RAPH1: variants seen among roughly 807,000 people sequenced by gnomAD.
RAPH1 encodes the protein ras-associated and pleckstrin homology domains-containing protein 1.
Under a neutral mutation model 88.1 loss-of-function variants are expected in RAPH1, and 18 were observed. The observed-to-expected ratio is 0.20, with a 90% CI of 0.14 to 0.30. RAPH1 has a LOEUF of 0.30. Among genes scored for constraint, RAPH1 ranks in the 10% least tolerant of loss-of-function variants. The pLI, the probability that RAPH1 is intolerant of heterozygous loss-of-function variation, is 1.00. For synonymous variants in RAPH1, 587 were observed against 559.0 expected (o/e 1.05, Z -0.71); for missense variants, 1,448 against 1,543.2 (o/e 0.94, Z 1.03).
At position 203,444,941 on chromosome 2, in the gene RAPH1, C is replaced by A; in HGVS notation, c.1703G>T (p.Arg568Leu). The change falls in exon 13 of 14, where the codon CGT (arginine) becomes CTT (leucine). Residue 568 changes from arginine (R) to leucine (L), a missense_variant. Around this residue, in one of 2 missense-constraint regions of RAPH1, gnomAD observed 935 missense variants for 890.1 expected, o/e 1.05. Transcript: ENST00000319170. ...VSDTQPAGHV[R>L]SQSIVSSVFS... ...TACGGAGCTCACAATGCTCTGGGAACGGACGTGTCCTGCTGGCTGGGTGTC... is the reference window on the plus strand; with the variant it reads ...TACGGAGCTCACAATGCTCTGGGAAAGGACGTGTCCTGCTGGCTGGGTGTC... 1 of 1,614,152 alleles carries A rather than the reference C, an allele frequency of 6.2e-7. No individual in the cohort carries two copies. The highest frequency in any genetic ancestry group is 1.7e-5 in the Admixed American group (1 of 60,026).
intron 4 of RAPH1, chr2:203,470,193 A>G: frequency 2.4e-6 from 3 of 1,231,394 alleles, no homozygotes; most frequent in Non-Finnish European, 3.5e-6. Flanking sequence ...ATCATATTCT[A>G]CCTACAAGGC....
chr2:203,495,175 TA>T (rs1421177844), intron 2 of RAPH1, 58 bp downstream of exon 2: 1 of 1,601,076 alleles, frequency 6.2e-7, no homozygotes, highest in African/African-American at 1.3e-5. Flanking sequence ...TTCTGCACAT[TA>T]AACTTTTAAC....
intron 10 of RAPH1, among the ~76,000 whole-genome samples, chr2:203,451,016 G>T (rs1386599049): frequency 6.6e-6 from 1 of 151,826 alleles, no homozygotes; most frequent in Non-Finnish European, 1.5e-5. Context: ...GAGTACTATG[G>T]TATAAGTATG....
intron 1 of RAPH1, among the ~76,000 whole-genome samples, chr2:203,523,560 T>C (rs1052808772): frequency 2.6e-5 from 4 of 152,078 alleles, no homozygotes; most frequent in African/African-American, 9.7e-5. Context: ...GCTAAAATTA[T>C]AAACTCCAAG....
At chr2:203,510,260 T>G (rs1689276695) in intron 1 of RAPH1, among the ~76,000 whole-genome samples, 2 of 131,262 alleles carry the variant, frequency 1.5e-5, no homozygotes, top group Non-Finnish European at 3.1e-5. Context: ...TGCTTGAACC[T>G]GGGAGGCAGA....
At chr2:203,500,149 C>T (rs907319355) in intron 1 of RAPH1, among the ~76,000 whole-genome samples, 9 of 151,978 alleles carry the variant, frequency 5.9e-5, no homozygotes, top group Non-Finnish European at 8.8e-5. Context: ...TAGTAGGGAA[C>T]AGAAAAGGAA....
chr2:203,491,440 C>T, intron 2 of RAPH1, 121 bp from the exon 3 acceptor site: 1 of 595,254 alleles, frequency 1.7e-6, no homozygotes, highest in Non-Finnish European at 2.9e-6. Flanking sequence ...CCAAAGTTCT[C>T]CTAAGTAATA....
At chr2:203,467,375 G>A (rs952432258) in intron 4 of RAPH1, among the ~76,000 whole-genome samples, 1 of 151,966 alleles carries the variant, frequency 6.6e-6, no homozygotes, top group African/African-American at 2.4e-5. Context: ...CAGATCACCT[G>A]AGGTCAGGAG....
In RAPH1 at chr2:203,448,003, G is replaced by T; in HGVS notation, c.1589C>A (p.Ser530Tyr). 1 of 1,613,946 alleles carries T rather than the reference G, an allele frequency of 6.2e-7. No individual in the cohort carries two copies. Among genetic ancestry groups the T allele is most frequent in the Non-Finnish European group, 8.5e-7 (1 of 1,179,884 alleles). Residue 530 changes from serine (S) to tyrosine (Y), a missense_variant, in exon 12 of 14, where the codon TCC becomes TAC. Transcript: ENST00000319170. This position sits in a 1 kb window ranked among gnomAD's most constrained non-coding sequence, Gnocchi z 4.1. ...GGATCCCGATTTAATGCTGGAGCTG[G>T]ATAAGGAAGTCCAATCATAGGCTGA... ...TESAYDWTSLSSSSIKSGSSS... is the reference protein window; with the variant it reads ...TESAYDWTSLYSSSIKSGSSS...
chr2:203,441,893 T>C (rs1487991313), intron 13 of RAPH1: 2 of 1,346,164 alleles, frequency 1.5e-6, no homozygotes, highest in Non-Finnish European at 1.9e-6. Flanking sequence ...CCTGGTGGAA[T>C]GAGGATGGCT....
At chr2:203,495,437 T>TATATA in intron 1 of RAPH1, 84 bp from the exon 2 acceptor site, 1 of 1,319,224 alleles carries the variant, frequency 7.6e-7, no homozygotes, top group Non-Finnish European at 1.0e-6. Context: ...CTGATATATA[T>TATATA]TATATGCCTC....
intron 4 of RAPH1, among the ~76,000 whole-genome samples, chr2:203,464,237 G>C (rs115778324): frequency 5.4e-4 from 82 of 152,300 alleles, no homozygotes; most frequent in African/African-American, 1.9e-3. Flanking sequence ...CTGATATGTG[G>C]AATCAATGTT....
chr2:203,443,261 C>A (rs2098505932), intron 13 of RAPH1: 1 of 151,962 alleles, frequency 6.6e-6, no homozygotes, highest in Non-Finnish European at 1.5e-5. Flanking sequence ...GCACCCCCCA[C>A]CAAAAAATTA....
chr2:203,479,743 A>G (rs1687637682), intron 4 of RAPH1, among the ~76,000 whole-genome samples: 1 of 152,234 alleles, frequency 6.6e-6, no homozygotes, highest in Admixed American at 6.5e-5. Flanking sequence ...TGAAGTGACA[A>G]AAACAATACA....
chr2:203,531,504 T>A (rs530279107), intron 1 of RAPH1, among the ~76,000 whole-genome samples: 2 of 152,306 alleles, frequency 1.3e-5, no homozygotes, highest in African/African-American at 4.8e-5. Context: ...AAGGGATTAA[T>A]ATCCAGAGTG....
rs7562294 is a variant in RAPH1 at position 203,506,770 on chromosome 2, C to G, written c.1-11417G>C. 3.0e-5 allele frequency among the ~76,000 whole-genome samples: 3 copies of G among 99,064 alleles called. 1 individual carries two copies. Among genetic ancestry groups the G allele is most frequent in the Non-Finnish European group, 5.6e-5 (3 of 53,294 alleles). The allele number at this position is 99,064 out of a possible 152,430, so 65.0% of individuals were successfully genotyped here. A position where few individuals can be genotyped will look rare whatever the true frequency, so the allele number is the denominator to read the frequency against. ...TATATATATATATCTATATATATATCTATATATATCTAGATATATATATCT... is the reference window on the plus strand; with the variant it reads ...TATATATATATATCTATATATATATGTATATATATCTAGATATATATATCT... On this transcript the variant is annotated intron_variant, in intron 1 of 13. Coordinates refer to ENST00000319170, the MANE Select transcript of RAPH1 (RefSeq NM_213589.3).
chr2:203,526,790 CTT>C (rs58295102), intron 1 of RAPH1, among the ~76,000 whole-genome samples: 2 of 137,000 alleles, frequency 1.5e-5, no homozygotes, highest in African/African-American at 2.7e-5. Flanking sequence ...TTTTCTTTTT[CTT>C]TTTTTTTTTT....
chr2:203,522,408 T>C (rs866809152), intron 1 of RAPH1, among the ~76,000 whole-genome samples: 1 of 152,202 alleles, frequency 6.6e-6, no homozygotes, highest in Admixed American at 6.6e-5. Context: ...AACATTGCTG[T>C]GTAAGCTCTA....
At chr2:203,484,209 A>G (rs1687861485) in intron 4 of RAPH1, among the ~76,000 whole-genome samples, 1 of 152,182 alleles carries the variant, frequency 6.6e-6, no homozygotes, top group Non-Finnish European at 1.5e-5. Flanking sequence ...CCTTAAATCT[A>G]AGAAGATTTG....
Sources: gnomAD v4.1 joint callset for allele counts (sites outside exome capture counted in the v4.1 genomes callset) on GRCh38, gnomAD v4.1.1 for gene constraint, gnomAD v4.1.1 regional missense constraint, Gnocchi (gnomAD v3.1) non-coding constraint, MANE v1.5 for transcripts, NCBI Gene and HGNC (gene_info 2026-07-23, HGNC 2026-07-21) for gene names.